APC2: variants seen among roughly 807,000 people sequenced by gnomAD.
The protein encoded by APC2 is APC regulator of Wnt signaling pathway 2, also known as adenomatous polyposis coli protein 2.
Under a neutral mutation model 72.5 loss-of-function variants are expected in APC2, and 41 were observed. That is an observed-to-expected ratio of 0.57 (90% CI 0.44 to 0.73). The LOEUF is 0.73. Among genes scored for constraint, APC2 ranks in the 30% least tolerant of loss-of-function variants. The pLI is 0.00. For missense variants in APC2, 3,729 were observed against 3,403.4 expected, an observed-to-expected ratio of 1.10 and a Z score of -2.38; for synonymous variants, 1,898 against 1,612.0, an observed-to-expected ratio of 1.18 and a Z score of -4.25.
Position 1,461,664 on chromosome 19 carries a change from A to C in APC2, c.1639-299A>C, listed in dbSNP as rs912372495. 6.7e-5 allele frequency: 27 copies of C among 402,122 alleles called. No individual in the cohort carries two copies. In the Admixed American group the frequency reaches 6.9e-4, roughly 10 times the overall value. 24.9% of individuals were successfully genotyped at this position (402,122 alleles called of 1,614,324 possible). On this transcript the variant is annotated intron_variant, in intron 13 of 14. Transcript: ENST00000590469. Reference sequence around the variant, plus strand: ...TCAGGAGATCGAGACCATCCTGGCTAACACGGTGAAACCCCGTCTCTACTA... The same window carrying C: ...TCAGGAGATCGAGACCATCCTGGCTCACACGGTGAAACCCCGTCTCTACTA...
rs265272 is a variant in APC2, at chr19:1,467,771, C to T, written c.4470C>T (p.Asp1490=). Reference sequence around the variant, plus strand: ...CAAAGCCCGGCCGGACCCGCGGGGACGGGGCGCTCCAGTCGCTGTGCCTCA... The same window carrying T: ...CAAAGCCCGGCCGGACCCGCGGGGATGGGGCGCTCCAGTCGCTGTGCCTCA... The part of the protein sequence containing the change: ...DGSKPGRTRG[D]GALQSLCLTT... The change falls in exon 15 of 15, where the codon GAC becomes GAT. Residue 1490 remains aspartate (D), a synonymous_variant. Coordinates refer to ENST00000590469, the MANE Select transcript of APC2 (RefSeq NM_005883.3). The T allele has an allele frequency of 4.3e-3, 6,100 of 1,430,686 alleles. 245 individuals are homozygous for T. The African/African-American group carries it at 0.081, about 19-fold the overall frequency. The allele number at this position is 1,430,686 out of a possible 1,614,324, so 88.6% of individuals were successfully genotyped here.
Position 1,467,361 on chromosome 19 carries a change from C to T in APC2, c.4060C>T (p.Arg1354Trp), listed in dbSNP as rs998462604. 32 of 1,471,550 alleles carry T rather than the reference C, an allele frequency of 2.2e-5. No homozygotes were observed. Among genetic ancestry groups the T allele is most frequent in the Non-Finnish European group, 2.9e-5 (32 of 1,116,070 alleles). 91.2% of individuals were successfully genotyped at this position (1,471,550 alleles called of 1,614,324 possible). A position where few individuals can be genotyped will look rare whatever the true frequency, so the allele number is the denominator to read the frequency against. Residue 1354 changes from arginine to tryptophan, a missense_variant, in exon 15 of 15, where the codon CGG becomes TGG. By Grantham distance (101) the Arg-to-Trp change is moderately radical. Coordinates refer to ENST00000590469, the MANE Select transcript of APC2 (RefSeq NM_005883.3). ...RECLGAAVPA[R>W]LRKVASALVP... ...GTGCCTGGGAGCCGCCGTGCCTGCC[C>T]GGCTGCGCAAGGTGGCCTCCGCGCT...
rs1034799271 is a variant in APC2, at chr19:1,472,523, G to A, written c.*2310G>A. The A allele has an allele frequency of 2.6e-5, 4 of 152,316 alleles. No homozygotes were observed. The highest frequency in any genetic ancestry group is 6.5e-5 in the Admixed American group (1 of 15,282). The allele number at this position is 152,316 out of a possible 1,614,324, so 9.4% of individuals were successfully genotyped here. On this transcript the variant is annotated 3_prime_UTR_variant, in exon 15 of 15. Transcript: ENST00000590469. ...ACGCCTGGAAGCTCACAGAACTTGG[G>A]TCTGGCTGGCTCCTGCCCGTGACGC...
intron 13 of APC2, 174 bp from the exon 14 acceptor site, chr19:1,461,789 C>T (rs1338319403): frequency 4.7e-5 from 28 of 598,538 alleles, no homozygotes; most frequent in Non-Finnish European, 7.3e-5. Flanking sequence ...GAGTCGGAGC[C>T]TGCAGTGAGT....
Position 1,462,033 on chromosome 19 carries a change from C to T in APC2, c.1709C>T (p.Ala570Val). ...LSAHSTENKAAICQVDGALGF... is the reference protein window; with the variant it reads ...LSAHSTENKAVICQVDGALGF... The stretch of plus-strand genomic sequence containing the variant: ...GCACACAGCACAGAGAACAAGGCGG[C>T]CATCTGCCAGGTGGATGGCGCCCTG... Residue 570 changes from alanine to valine, a missense_variant, in exon 14 of 15, where the codon GCC becomes GTC. Transcript: ENST00000590469. The T allele has an allele frequency of 6.2e-7, 1 of 1,613,120 alleles. No homozygotes were observed. Among genetic ancestry groups the T allele is most frequent in the Non-Finnish European group, 8.5e-7 (1 of 1,180,012 alleles).
chr19:1,470,261 G>T lies in APC2; in HGVS notation c.*48G>T. ...ACGTTCTCTCCCGGCCCTGCGGCGC[G>T]GTCTGGCTGCCCCATGGGCCTGCGC... is the stretch of plus-strand genomic sequence containing the variant. On this transcript the variant is annotated 3_prime_UTR_variant, in exon 15 of 15. Coordinates refer to ENST00000590469, the MANE Select transcript of APC2 (RefSeq NM_005883.3). 6.6e-7 allele frequency: 1 copy of T among 1,514,280 alleles called. No individual in the cohort carries two copies. The highest frequency in any genetic ancestry group is 8.8e-7 in the Non-Finnish European group (1 of 1,133,256). The allele number at this position is 1,514,280 out of a possible 1,614,324, so 93.8% of individuals were successfully genotyped here. A position where few individuals can be genotyped will look rare whatever the true frequency, so the allele number is the denominator to read the frequency against.
rs1006546896 is a variant in APC2 at position 1,456,366 on chromosome 19, C to G, written c.778C>G (p.His260Asp). The change falls in exon 8 of 15, where the codon CAC (histidine) becomes GAC (aspartate). Residue 260 changes from histidine (H) to aspartate (D), a missense_variant. Coordinates refer to ENST00000590469, the MANE Select transcript of APC2 (RefSeq NM_005883.3). ...DEDPETEVPT[H>D]PEDGTPQPGN... ...GGACCCCGAGACAGAGGTCCCCACA[C>G]ACCCTGAGGATGGCACCCCTCAGCC... 2 of 1,608,958 alleles carry G rather than the reference C, an allele frequency of 1.2e-6. No individual in the cohort carries two copies. The highest frequency in any genetic ancestry group is 3.3e-5 in the Admixed American group (2 of 59,764).
intron 14 of APC2, among the ~76,000 whole-genome samples, chr19:1,462,539 C>A (rs1284081283): frequency 1.3e-5 from 2 of 150,988 alleles, no homozygotes; most frequent in African/African-American, 4.9e-5. Context: ...CCTGTAATCC[C>A]AGCTACTCGG....
At chr19:1,450,094 T>C, upstream of APC2, 5 of 966,736 alleles carry the variant, frequency 5.2e-6, no homozygotes, top group Non-Finnish European at 6.1e-6. Context: ...CTCACCCGCA[T>C]CCCTCATCCC....
At chr19:1,460,684 G>C in intron 11 of APC2, 96 bp from the exon 12 acceptor site, 1 of 1,297,890 alleles carries the variant, frequency 7.7e-7, no homozygotes, top group South Asian at 1.4e-5. Flanking sequence ...AGGGGTCTGA[G>C]TTTGCAGCTG....
At chr19:1,463,631 T>C (rs148793781) in intron 14 of APC2, among the ~76,000 whole-genome samples, 4 of 150,610 alleles carry the variant, frequency 2.7e-5, no homozygotes, top group African/African-American at 9.8e-5. Flanking sequence ...CCACATGTAG[T>C]TCCAGCTACT....
intron 10 of APC2, among the ~76,000 whole-genome samples, chr19:1,459,183 G>A (rs985926467): frequency 3.9e-5 from 6 of 152,104 alleles, no homozygotes; most frequent in African/African-American, 9.7e-5. Context: ...GTGCACCTAC[G>A]CCATAGTCTG....
chr19:1,467,197 C>T lies in APC2; in HGVS notation c.3896C>T (p.Ser1299Leu). The T allele has an allele frequency of 2.1e-6, 3 of 1,456,000 alleles. No homozygotes were observed. The highest frequency in any genetic ancestry group is 9.0e-7 in the Non-Finnish European group (1 of 1,110,850). 90.2% of individuals were successfully genotyped at this position (1,456,000 alleles called of 1,614,324 possible). Residue 1299 changes from serine to leucine, a missense_variant, in exon 15 of 15, where the codon TCG becomes TTG. Transcript: ENST00000590469. ...GACGTGGAGCTGCGGCTGCTGCCCT[C>T]GGCCTGCCCCGAGCGCGGCGGGGGC... ...QQDVELRLLPSACPERGGGAG... is the reference protein window; with the variant it reads ...QQDVELRLLPLACPERGGGAG...
chr19:1,457,843 G>T, intron 9 of APC2, 122 bp from the exon 10 acceptor site: 1 of 790,700 alleles, frequency 1.3e-6, no homozygotes, highest in Non-Finnish European at 2.1e-6. Flanking sequence ...TCCCAACTTT[G>T]CAGCCATTTG....
At chr19:1,464,632 C>CTTTTTTTTTTTTTT (rs1010096440) in intron 14 of APC2, among the ~76,000 whole-genome samples, 1 of 123,716 alleles carries the variant, frequency 8.1e-6, no homozygotes, top group Non-Finnish European at 1.7e-5. Flanking sequence ...CTGTTTTTTC[C>CTTTTTTTTTTTTTT]TTTTTTTTTT....
chr19:1,470,112 C>A lies in APC2; in HGVS notation c.6811C>A (p.Pro2271Thr), dbSNP rs771322265. ...HGSPSRSARVPPFNYVPSPMV... is the reference protein window; with the variant it reads ...HGSPSRSARVTPFNYVPSPMV... Reference sequence around the variant, plus strand: ...CTCCCCCAGCCGCTCGGCCCGAGTACCCCCCTTCAACTATGTGCCCAGCCC... The same window carrying A: ...CTCCCCCAGCCGCTCGGCCCGAGTAACCCCCTTCAACTATGTGCCCAGCCC... The change falls in exon 15 of 15, where the codon CCC becomes ACC. Residue 2271 changes from proline (P) to threonine (T), a missense_variant. By Grantham distance (38) the Pro-to-Thr change is conservative. Transcript: ENST00000590469. 2.5e-6 allele frequency: 4 copies of A among 1,605,722 alleles called. No individual in the cohort carries two copies. The highest frequency in any genetic ancestry group is 1.7e-6 in the Non-Finnish European group (2 of 1,177,642).
Position 1,469,343 on chromosome 19 carries a change from C to T in APC2, c.6042C>T (p.Ala2014=). ...LRRRRSELSS[A]ESAASAPQGA... ...GCCGCCGCTCCGAGCTGTCCTCGGCCGAGTCCGCGGCCTCTGCCCCCCAGG... is the reference window on the plus strand; with the variant it reads ...GCCGCCGCTCCGAGCTGTCCTCGGCTGAGTCCGCGGCCTCTGCCCCCCAGG... Residue 2014 remains alanine, a synonymous_variant, in exon 15 of 15, where the codon GCC becomes GCT. Transcript: ENST00000590469. 7 of 1,362,710 alleles carry T rather than the reference C, an allele frequency of 5.1e-6. No individual in the cohort carries two copies. Among genetic ancestry groups the T allele is most frequent in the Non-Finnish European group, 6.7e-6 (7 of 1,051,076 alleles). 84.4% of individuals were successfully genotyped at this position (1,362,710 alleles called of 1,614,324 possible).
At position 1,452,439 on chromosome 19, in the gene APC2, G is replaced by A. The variant is rs936851936; in HGVS notation, c.-18-545G>A. The A allele has an allele frequency of 4.3e-5, 7 of 161,594 alleles. No homozygotes were observed. Among genetic ancestry groups the A allele is most frequent in the African/African-American group, 1.4e-4 (6 of 41,518 alleles). 10.0% of individuals were successfully genotyped at this position (161,594 alleles called of 1,614,324 possible). A position where few individuals can be genotyped will look rare whatever the true frequency, so the allele number is the denominator to read the frequency against. Reference sequence around the variant, plus strand: ...GCTTAGGTGTCACCCACTGGCCTTCGTGGTGTTTTCATTGTCCATCGGCAG... The same window carrying A: ...GCTTAGGTGTCACCCACTGGCCTTCATGGTGTTTTCATTGTCCATCGGCAG... On this transcript the variant is annotated intron_variant, in intron 1 of 14. Transcript: ENST00000590469. The surrounding 1 kb of genome is among the most constrained non-coding windows in gnomAD (Gnocchi z 5.1).
chr19:1,465,143 C>A lies in APC2; in HGVS notation c.1854-12C>A. On this transcript the variant is annotated splice_polypyrimidine_tract_variant and intron_variant, in intron 14 of 14. Coordinates refer to ENST00000590469, the MANE Select transcript of APC2 (RefSeq NM_005883.3). ...GGGGGGTGGCCCAGGCTAACCCGCC[C>A]TGTGCCTACAGGCAGGTGCTCCGGG... 6.3e-7 allele frequency: 1 copy of A among 1,591,686 alleles called. No homozygotes were observed. The highest frequency in any genetic ancestry group is 1.1e-5 in the South Asian group (1 of 87,936).
Sources: allele counts gnomAD v4.1 joint callset (sites outside exome capture counted in the v4.1 genomes callset), GRCh38; gene constraint gnomAD v4.1.1; non-coding constraint Gnocchi (gnomAD v3.1); transcripts MANE v1.5; gene names NCBI Gene and HGNC (gene_info 2026-07-23, HGNC 2026-07-21).